The following TICRR variants were observed in gnomAD, a reference collection of about 807,000 sequenced individuals.
TICRR encodes the protein treslin.
Under a neutral mutation model 178.1 loss-of-function variants are expected in TICRR, and 132 were observed. The ratio of observed to expected loss-of-function variants is 0.74; its 90% CI spans 0.64 to 0.86. The LOEUF (loss-of-function observed/expected upper bound fraction) is 0.86. TICRR is among the 40% of genes least tolerant of loss of function. The pLI, the probability that TICRR is intolerant of heterozygous loss-of-function variation, is 0.00. For missense variants in TICRR, 2,587 were observed against 2,334.3 expected, an observed-to-expected ratio of 1.11 and a Z score of -2.23; for synonymous variants, 991 against 900.7, an observed-to-expected ratio of 1.10 and a Z score of -1.79.
Position 89,627,015 on chromosome 15 carries a change from T to G in TICRR, c.5662T>G (p.Ser1888Ala). The G allele has an allele frequency of 6.2e-7, 1 of 1,614,138 alleles. No homozygotes were observed. Among genetic ancestry groups the G allele is most frequent in the Non-Finnish European group, 8.5e-7 (1 of 1,180,032 alleles). ...AGACTCTCCTTTCAGTCGCGCTTTC[T>G]CCAGGAGGCGCCCCATCAGCAGAAC... is the stretch of plus-strand genomic sequence containing the variant. The part of the protein sequence containing the change: ...VEDSPFSRAF[S>A]RRRPISRTYT... The change falls in exon 22 of 22, where the codon TCC becomes GCC. Residue 1888 changes from serine (S) to alanine (A), a missense_variant. By Grantham distance (99) the Ser-to-Ala change is moderately conservative (BLOSUM62 1). Transcript: ENST00000268138.
intron 2 of TICRR, among the ~76,000 whole-genome samples, chr15:89,583,258 G>A (rs527834066): frequency 5.3e-5 from 8 of 152,276 alleles, no homozygotes; most frequent in African/African-American, 9.6e-5. Flanking sequence ...CCAAGCACAT[G>A]GGTATACGAT....
Position 89,600,615 on chromosome 15 carries a change from C to A in TICRR, c.2083C>A (p.Leu695Ile). 1 of 1,591,814 alleles carries A rather than the reference C, an allele frequency of 6.3e-7. No homozygotes were observed. Among genetic ancestry groups the A allele is most frequent in the Non-Finnish European group, 8.6e-7 (1 of 1,168,792 alleles). Residue 695 changes from leucine (L) to isoleucine (I), a missense_variant, in exon 9 of 22, where the codon CTC (leucine) becomes ATC (isoleucine). Leu to Ile is a conservative substitution (Grantham distance 5). Coordinates refer to ENST00000268138, the MANE Select transcript of TICRR (RefSeq NM_152259.4). The part of the protein sequence containing the change: ...VNCLNQVKSS[L>I]LKTSKSLRQN... Reference sequence around the variant, plus strand: ...CTGCCTGAATCAAGTAAAAAGTAGTCTCTTAAAAACTAGTAAAAGTCTTCG... The same window carrying A: ...CTGCCTGAATCAAGTAAAAAGTAGTATCTTAAAAACTAGTAAAAGTCTTCG...
intron 1 of TICRR, among the ~76,000 whole-genome samples, chr15:89,579,474 T>C (rs1567038912): frequency 6.6e-6 from 1 of 151,938 alleles, no homozygotes; most frequent in Admixed American, 6.6e-5. Flanking sequence ...GCCTCCCGAG[T>C]AGCTGGGATT....
rs1442397630 is a variant in TICRR, at chr15:89,592,196, CTT to C, written c.1541+21_1541+22del. 1.9e-6 allele frequency: 3 copies of C among 1,601,626 alleles called. No homozygotes were observed. The highest frequency in any genetic ancestry group is 3.3e-4 in the Middle Eastern group (2 of 6,014). Reference sequence around the variant, plus strand: ...ATTTGGGTAAAACGTTTTTATATCTCTTGAATATTGATTATTAAAATCAACGT... The same window carrying C: ...ATTTGGGTAAAACGTTTTTATATCTCGAATATTGATTATTAAAATCAACGT... On this transcript the variant is annotated intron_variant, in intron 5 of 21. Coordinates refer to ENST00000268138, the MANE Select transcript of TICRR (RefSeq NM_152259.4).
intron 13 of TICRR, among the ~76,000 whole-genome samples, chr15:89,603,539 C>T (rs1366931070): frequency 3.3e-5 from 5 of 152,124 alleles, no homozygotes; most frequent in Non-Finnish European, 5.9e-5. Flanking sequence ...GAGCTATGGT[C>T]GTGCCACTGC....
chr15:89,605,442 C>T (rs1963160494), intron 13 of TICRR, among the ~76,000 whole-genome samples: 1 of 152,172 alleles, frequency 6.6e-6, no homozygotes, highest in South Asian at 2.1e-4. Flanking sequence ...GATCTCGACT[C>T]ACTGCAAGCT....
chr15:89,597,453 A>C (rs1420670700), intron 7 of TICRR, among the ~76,000 whole-genome samples: 5 of 151,084 alleles, frequency 3.3e-5, no homozygotes, highest in Admixed American at 3.3e-4. Flanking sequence ...TGATCCCGGG[A>C]GACAGAGGTT....
At chr15:89,601,227 ATGC>A in intron 9 of TICRR, 68 bp from the exon 10 acceptor site, 1 of 1,353,006 alleles carries the variant, frequency 7.4e-7, no homozygotes, top group South Asian at 1.2e-5. Context: ...AAATAGATCT[ATGC>A]TTACGGAAGG....
chr15:89,588,197 G>T (rs1223611431), intron 4 of TICRR, among the ~76,000 whole-genome samples: 1 of 152,166 alleles, frequency 6.6e-6, no homozygotes, highest in Admixed American at 6.5e-5. Context: ...AGGAGATGCT[G>T]GAGGCTGAGG....
rs1332866088 is a variant in TICRR, at chr15:89,582,546, A to G, written c.655-140A>G. The G allele has an allele frequency of 3.3e-5, 25 of 762,986 alleles. No individual in the cohort carries two copies. The South Asian group carries it at 3.9e-4, about 12-fold the overall frequency. The allele number at this position is 762,986 out of a possible 1,614,324, so 47.3% of individuals were successfully genotyped here. A position where few individuals can be genotyped will look rare whatever the true frequency, so the allele number is the denominator to read the frequency against. On this transcript the variant is annotated intron_variant, in intron 1 of 21. Transcript: ENST00000268138. ...TAGCTTGATGCTGACCATTATTTCT[A>G]TTTAGCTCAGCAAATACATTGGTTG...
At position 89,624,408 on chromosome 15, in the gene TICRR, G is replaced by T; in HGVS notation, c.4098G>T (p.Gln1366His). 6.2e-7 allele frequency: 1 copy of T among 1,614,178 alleles called. No individual in the cohort carries two copies. Among genetic ancestry groups the T allele is most frequent in the Non-Finnish European group, 8.5e-7 (1 of 1,180,042 alleles). ...PVPSTPPELS[Q>H]RATLDTVPPP... ...CCTCAACTCCCCCTGAACTCTCACA[G>T]AGAGCTACATTGGACACCGTCCCTC... Residue 1366 changes from glutamine to histidine, a missense_variant, in exon 20 of 22, where the codon CAG becomes CAT. Coordinates refer to ENST00000268138, the MANE Select transcript of TICRR (RefSeq NM_152259.4).
In TICRR at chr15:89,624,308, C is replaced by G. The variant is rs746304041; in HGVS notation, c.3998C>G (p.Pro1333Arg). ...SPFRKSKIEC[P>R]SPGELDQKEP... is the part of the protein sequence containing the mutation. ...TTTAGGAAATCTAAAATAGAGTGTC[C>G]TTCCCCAGGAGAACTGGATCAGAAA... Residue 1333 changes from proline to arginine, a missense_variant, in exon 20 of 22, where the codon CCT becomes CGT. By Grantham distance (103) the Pro-to-Arg change is moderately radical. Coordinates refer to ENST00000268138, the MANE Select transcript of TICRR (RefSeq NM_152259.4). 6.2e-7 allele frequency: 1 copy of G among 1,614,170 alleles called. No homozygotes were observed. The highest frequency in any genetic ancestry group is 1.3e-5 in the African/African-American group (1 of 75,048).
At chr15:89,620,551 C>G (rs560261458) in intron 18 of TICRR, among the ~76,000 whole-genome samples, 1 of 152,150 alleles carries the variant, frequency 6.6e-6, no homozygotes, top group South Asian at 2.1e-4. Flanking sequence ...GTTCAGTTGT[C>G]TACATTTTCT....
rs533932044 is a variant in TICRR, at chr15:89,600,233, C to T, written c.2053-352C>T. 9.2e-5 allele frequency among the ~76,000 whole-genome samples: 14 copies of T among 152,188 alleles called. No individual in the cohort carries two copies. The South Asian group carries it at 1.7e-3, about 18-fold the overall frequency. On this transcript the variant is annotated intron_variant, in intron 8 of 21. Coordinates refer to ENST00000268138, the MANE Select transcript of TICRR (RefSeq NM_152259.4). ...AGTGTTGCAAACCACTGTTTTAGAC[C>T]GTGTTGTTGTTTTATTCATGTTCAG... is the stretch of plus-strand genomic sequence containing the variant.
chr15:89,607,423 A>C (rs770390483), intron 14 of TICRR, among the ~76,000 whole-genome samples: 23 of 152,170 alleles, frequency 1.5e-4, no homozygotes, highest in Non-Finnish European at 3.1e-4. Context: ...GGAGAAAACA[A>C]ATATTGTCAG....
intron 4 of TICRR, among the ~76,000 whole-genome samples, chr15:89,590,987 A>G (rs1962901894): frequency 6.6e-6 from 1 of 152,172 alleles, no homozygotes; most frequent in South Asian, 2.1e-4. Flanking sequence ...CATCAGGCTT[A>G]TTTTAAGAGA....
In TICRR at chr15:89,624,775, G is replaced by C. The variant is rs757505811; in HGVS notation, c.4465G>C (p.Glu1489Gln). 6.2e-7 allele frequency: 1 copy of C among 1,614,226 alleles called. No homozygotes were observed. Among genetic ancestry groups the C allele is most frequent in the Admixed American group, 1.7e-5 (1 of 60,020 alleles). ...TAACGTCTTATCAGTGGAAGAGGGT[G>C]AGGGGCTAAGGACAGCAGATGCTGA... is the stretch of plus-strand genomic sequence containing the variant. ...KSNVLSVEEG[E>Q]GLRTADAEKS... Residue 1489 changes from glutamate (E) to glutamine (Q), a missense_variant, in exon 20 of 22, where the codon GAG (glutamate) becomes CAG (glutamine). Glu to Gln is a conservative substitution (Grantham distance 29, BLOSUM62 2). Coordinates refer to ENST00000268138, the MANE Select transcript of TICRR (RefSeq NM_152259.4).
In TICRR at chr15:89,584,524, C is replaced by G; in HGVS notation, c.1173C>G (p.His391Gln). ...LVSRLTAEEL[H>Q]LVADVDPGEG... The stretch of plus-strand genomic sequence containing the variant: ...GCAGGCTGACTGCTGAAGAGTTACA[C>G]CTGGTAGGTATCCTCCACACGGGAA... The change falls in exon 3 of 22, where the codon CAC becomes CAG. Residue 391 changes from histidine to glutamine, a missense_variant. Transcript: ENST00000268138. 1 of 1,561,300 alleles carries G rather than the reference C, an allele frequency of 6.4e-7. No homozygotes were observed. The highest frequency in any genetic ancestry group is 8.7e-7 in the Non-Finnish European group (1 of 1,152,990).
chr15:89,619,635 G>C, intron 17 of TICRR, 73 bp from the exon 18 acceptor site: 2 of 1,524,070 alleles, frequency 1.3e-6, no homozygotes, highest in Non-Finnish European at 1.8e-6. Flanking sequence ...AATTTTGCCC[G>C]GTTTTGGACA....
Sources: allele counts gnomAD v4.1 joint callset (sites outside exome capture counted in the v4.1 genomes callset), GRCh38; gene constraint gnomAD v4.1.1; transcripts MANE v1.5; gene names NCBI Gene and HGNC (gene_info 2026-07-23, HGNC 2026-07-21).